FSIP1: variants seen among roughly 807,000 people sequenced by gnomAD.
FSIP1 encodes fibrous sheath interacting protein 1.
A neutral mutation model predicts 60.9 loss-of-function variants in FSIP1; 65 were observed. The ratio of observed to expected loss-of-function variants is 1.07; its 90% confidence interval spans 0.87 to 1.31. FSIP1 has a LOEUF of 1.31. Among genes scored for constraint, FSIP1 ranks in the 40% most tolerant of loss-of-function variants. FSIP1 has a pLI of 0.00. For missense variants in FSIP1, 675 were observed against 665.5 expected (o/e 1.01, Z -0.16); for synonymous variants, 209 against 221.2 (o/e 0.94, Z 0.49).
chr15:39,769,783 G>A (rs1367229173), intron 3 of FSIP1, among the ~76,000 whole-genome samples: 1 of 152,120 alleles, frequency 6.6e-6, no homozygotes, highest in African/African-American at 2.4e-5. Flanking sequence ...ACATTTTGGT[G>A]CCATTGTCCT....
chr15:39,661,096 C>A (rs1448163440), intron 10 of FSIP1, among the ~76,000 whole-genome samples: 3 of 152,180 alleles, frequency 2.0e-5, no homozygotes, highest in East Asian at 3.9e-4. Flanking sequence ...TAAATAAATG[C>A]AATAATTAGA....
At chr15:39,775,361 T>C (rs1014368728) in intron 2 of FSIP1, among the ~76,000 whole-genome samples, 3 of 152,074 alleles carry the variant, frequency 2.0e-5, no homozygotes, top group Non-Finnish European at 2.9e-5. Flanking sequence ...AAAATGAGTA[T>C]GAATTCATTA....
intron 10 of FSIP1, among the ~76,000 whole-genome samples, chr15:39,683,282 C>T (rs79352098): frequency 0.027 from 4,091 of 151,836 alleles, 175 homozygotes; most frequent in African/African-American, 0.093. Flanking sequence ...TGGATGAGTA[C>T]TCAAAAAACA....
intron 10 of FSIP1, among the ~76,000 whole-genome samples, chr15:39,660,177 G>C (rs192577655): frequency 6.6e-6 from 1 of 152,156 alleles, no homozygotes; most frequent in Non-Finnish European, 1.5e-5. Context: ...ACTGTTGCCC[G>C]TAGTTTCAAC....
At chr15:39,728,488 C>T (rs1237599326) in intron 8 of FSIP1, among the ~76,000 whole-genome samples, 2 of 152,112 alleles carry the variant, frequency 1.3e-5, no homozygotes, top group African/African-American at 4.8e-5. Flanking sequence ...AAGCCACACA[C>T]CTACAACCAT....
At position 39,658,540 on chromosome 15, in the gene FSIP1, G is replaced by A. The variant is rs542734905; in HGVS notation, c.1189-40295C>T. On this transcript the variant is annotated intron_variant, in intron 10 of 11. Transcript: ENST00000350221. ...GCTGGGATTACAGGCGTGAGCCACC[G>A]CAACTGGCCTAAACAGACATGATAA... Among the ~76,000 whole-genome samples, 10 of 152,186 alleles carry A rather than the reference G, an allele frequency of 6.6e-5. No individual in the cohort carries two copies. The South Asian group carries it at 8.3e-4, about 13-fold the overall frequency.
chr15:39,700,852 C>T (rs1895028114), intron 10 of FSIP1, among the ~76,000 whole-genome samples: 1 of 152,166 alleles, frequency 6.6e-6, no homozygotes, highest in Non-Finnish European at 1.5e-5. Flanking sequence ...GGTGAGTTCC[C>T]ATTTAAAATA....
chr15:39,746,927 C>T (rs891825141), intron 5 of FSIP1, among the ~76,000 whole-genome samples: 1 of 152,044 alleles, frequency 6.6e-6, no homozygotes, highest in Admixed American at 6.6e-5. Context: ...ACACTCATTG[C>T]CTCACCTAAC....
chr15:39,705,656 T>C (rs1895233751), intron 10 of FSIP1, among the ~76,000 whole-genome samples: 1 of 152,180 alleles, frequency 6.6e-6, no homozygotes, highest in Non-Finnish European at 1.5e-5. Flanking sequence ...GATAAAAATC[T>C]ATCTTAAATG....
At chr15:39,722,982 A>T (rs183032996) in intron 9 of FSIP1, among the ~76,000 whole-genome samples, 21 of 152,088 alleles carry the variant, frequency 1.4e-4, no homozygotes, top group Non-Finnish European at 2.9e-4. Flanking sequence ...TGTCTTGTCC[A>T]CAGTTTTCTA....
intron 10 of FSIP1, among the ~76,000 whole-genome samples, chr15:39,619,382 G>T (rs1482238420): frequency 6.6e-6 from 1 of 152,082 alleles, no homozygotes; most frequent in African/African-American, 2.4e-5. Context: ...TGAGTATGAG[G>T]ATAATAAGAA....
At chr15:39,713,606 A>T (rs1566897389) in intron 9 of FSIP1, 25 bp from the exon 10 acceptor site, 1 of 1,559,734 alleles carries the variant, frequency 6.4e-7, no homozygotes. Flanking sequence ...AAAAAAAAAC[A>T]TCATTCACAG....
intron 8 of FSIP1, among the ~76,000 whole-genome samples, chr15:39,736,092 G>A (rs970395973): frequency 1.4e-4 from 21 of 152,160 alleles, no homozygotes; most frequent in African/African-American, 2.4e-5. Context: ...ATAGAGCTAC[G>A]GTGTCACTAG....
intron 9 of FSIP1, among the ~76,000 whole-genome samples, chr15:39,721,007 GA>G (rs756114486): frequency 7.9e-5 from 12 of 152,346 alleles, no homozygotes; most frequent in Non-Finnish European, 5.9e-5. Flanking sequence ...AAGGAAATCA[GA>G]TACGTAAAAG....
At chr15:39,622,977 T>C (rs1326998273) in intron 10 of FSIP1, among the ~76,000 whole-genome samples, 1 of 152,094 alleles carries the variant, frequency 6.6e-6, no homozygotes, top group East Asian at 1.9e-4. Flanking sequence ...ACAGTGTATG[T>C]TTTATGCAAA....
At chr15:39,666,605 G>T (rs1293627521) in intron 10 of FSIP1, among the ~76,000 whole-genome samples, 1 of 152,158 alleles carries the variant, frequency 6.6e-6, no homozygotes, top group Non-Finnish European at 1.5e-5. Flanking sequence ...CTATCAAAGT[G>T]AATGAACCCA....
intron 10 of FSIP1, among the ~76,000 whole-genome samples, chr15:39,648,771 G>C (rs1438171330): frequency 7.2e-5 from 11 of 152,268 alleles, no homozygotes; most frequent in African/African-American, 2.6e-4. Flanking sequence ...TAAAGGTCAA[G>C]AGTCAGTAAA....
chr15:39,767,172 AAAAG>A (rs1897720217), intron 3 of FSIP1, among the ~76,000 whole-genome samples: 3 of 152,236 alleles, frequency 2.0e-5, no homozygotes, highest in South Asian at 2.1e-4. Flanking sequence ...TTAGAGGAAA[AAAAG>A]AAAGAGGAAA....
intron 10 of FSIP1, among the ~76,000 whole-genome samples, chr15:39,640,727 CAAAA>C (rs111962610): frequency 1.0e-5 from 1 of 99,994 alleles, no homozygotes; most frequent in African/African-American, 3.1e-5. Flanking sequence ...GATTTACAGA[CAAAA>C]AAAAAAAAAA....
Sources: allele counts gnomAD v4.1 joint callset (sites outside exome capture counted in the v4.1 genomes callset), GRCh38; gene constraint gnomAD v4.1.1; transcripts MANE v1.5; gene names NCBI Gene and HGNC (gene_info 2026-07-23, HGNC 2026-07-21).